DCN: variants seen among roughly 807,000 people sequenced by gnomAD.
DCN encodes bone proteoglycan II.
A neutral mutation model predicts 36.5 loss-of-function variants in DCN; 17 were observed. That is an observed-to-expected ratio of 0.47 (90% CI 0.32 to 0.70). The LOEUF is 0.70. Among genes scored for constraint, DCN ranks in the 30% least tolerant of loss-of-function variants. DCN has a pLI of 0.04. For synonymous variants in DCN, 163 were observed against 161.4 expected (o/e 1.01, Z -0.07); for missense variants, 389 against 430.1 (o/e 0.90, Z 0.84).
chr12:91,148,900 G>T (rs1036905707), intron 7 of DCN, among the ~76,000 whole-genome samples: 1 of 152,052 alleles, frequency 6.6e-6, no homozygotes, highest in Non-Finnish European at 1.5e-5. Context: ...TATATGTATG[G>T]TTTATGGTTC....
chr12:91,177,490 C>T, intron 2 of DCN: 1 of 676,464 alleles, frequency 1.5e-6, no homozygotes, highest in Admixed American at 2.3e-5. Flanking sequence ...AAAATACACC[C>T]CTTCAAAAGG....
intron 2 of DCN, among the ~76,000 whole-genome samples, chr12:91,170,213 A>C (rs1882870405): frequency 6.6e-6 from 1 of 152,166 alleles, no homozygotes; most frequent in African/African-American, 2.4e-5. Context: ...GCAGCGTCTC[A>C]AGTATTGCTA....
intron 2 of DCN, among the ~76,000 whole-genome samples, chr12:91,165,771 T>A (rs1288498416): frequency 6.6e-6 from 1 of 152,148 alleles, no homozygotes; most frequent in East Asian, 1.9e-4. Flanking sequence ...CTCCATCATA[T>A]CTGAAACTTG....
intron 3 of DCN, 102 bp from the exon 4 acceptor site, chr12:91,158,611 A>G: frequency 1.3e-6 from 1 of 744,280 alleles, no homozygotes; most frequent in Non-Finnish European, 2.4e-6. Context: ...ATAGCAGAGA[A>G]ATCTAAAAAA....
intron 7 of DCN, chr12:91,151,381 C>A (rs1009663042): frequency 9.9e-6 from 4 of 402,590 alleles, no homozygotes; most frequent in Non-Finnish European, 1.9e-5. Context: ...ATGGCACCAA[C>A]ATCACCACCC....
rs190895468 is a variant in DCN at position 91,140,898 on chromosome 12, T to A, written c.*5160A>T. The stretch of plus-strand genomic sequence containing the variant: ...ATTCCTGAAGTCATCTCTGTTTCTT[T>A]TCTTTCTCTCTCATGCCCCATCTGA... On this transcript the variant is annotated 3_prime_UTR_variant, in exon 8 of 8. Transcript: ENST00000052754. 1 of 152,396 alleles carries A rather than the reference T, an allele frequency of 6.6e-6. No individual in the cohort carries two copies. The highest frequency in any genetic ancestry group is 2.4e-5 in the African/African-American group (1 of 41,586). The allele number at this position is 152,396 out of a possible 1,614,324, so 9.4% of individuals were successfully genotyped here.
intron 1 of DCN, chr12:91,180,390 G>GAAAGAA: frequency 7.1e-6 from 1 of 140,402 alleles, no homozygotes; most frequent in South Asian, 2.2e-4. Flanking sequence ...GAAAGAAAGA[G>GAAAGAA]AGAGAGAGAG....
intron 5 of DCN, among the ~76,000 whole-genome samples, chr12:91,154,459 TG>T (rs1881631469): frequency 6.6e-6 from 1 of 152,126 alleles, no homozygotes; most frequent in South Asian, 2.1e-4. Flanking sequence ...TTTAATGCAG[TG>T]CCTCCAGTAC....
chr12:91,157,651 C>A (rs1039911974), intron 4 of DCN, among the ~76,000 whole-genome samples: 1 of 149,872 alleles, frequency 6.7e-6, no homozygotes, highest in Non-Finnish European at 1.5e-5. Context: ...TTTTTTGAGA[C>A]GTAGTCTCAC....
chr12:91,146,584 C>T (rs1188901450), intron 7 of DCN, among the ~76,000 whole-genome samples: 1 of 152,014 alleles, frequency 6.6e-6, no homozygotes, highest in Non-Finnish European at 1.5e-5. Context: ...GAACTTCTGA[C>T]CTCAAGTGAT....
intron 7 of DCN, chr12:91,151,429 G>T: frequency 1.9e-6 from 1 of 529,338 alleles, no homozygotes; most frequent in Non-Finnish European, 3.4e-6. Flanking sequence ...AAGACTTTAA[G>T]TTTCATCTCC....
At chr12:91,169,379 A>T (rs521886) in intron 2 of DCN, among the ~76,000 whole-genome samples, 1,615 of 15,048 alleles carry the variant, frequency 0.11, 54 homozygotes, top group African/African-American at 0.19. Context: ...AGATCCTGTC[A>T]AAAAAAAAAA....
intron 1 of DCN, 49 bp from the exon 2 acceptor site, chr12:91,178,634 G>A (rs769608190): frequency 8.6e-6 from 10 of 1,161,250 alleles, no homozygotes; most frequent in Non-Finnish European, 1.3e-5. Context: ...CCTAATCTGT[G>A]TGTCGTTTCT....
chr12:91,174,945 A>T (rs1382592345), intron 2 of DCN, among the ~76,000 whole-genome samples: 1 of 152,146 alleles, frequency 6.6e-6, no homozygotes, highest in Non-Finnish European at 1.5e-5. Flanking sequence ...TGATCCAAAG[A>T]TGAATGGCTA....
chr12:91,178,858 A>T (rs1055388368), intron 1 of DCN, among the ~76,000 whole-genome samples: 2 of 152,178 alleles, frequency 1.3e-5, no homozygotes, highest in Non-Finnish European at 2.9e-5. Flanking sequence ...TATACTATAT[A>T]TCCAAATCAT....
chr12:91,169,690 A>T (rs1882821299), intron 2 of DCN: 1 of 152,118 alleles, frequency 6.6e-6, no homozygotes, highest in East Asian at 1.9e-4. Context: ...ATATTTAAAC[A>T]TGCTCCTATA....
Position 91,157,160 on chromosome 12 carries a change from T to C in DCN, c.567A>G (p.Ser189=). 1 of 1,613,878 alleles carries C rather than the reference T, an allele frequency of 6.2e-7. No homozygotes were observed. The highest frequency in any genetic ancestry group is 8.5e-7 in the Non-Finnish European group (1 of 1,179,748). The part of the protein sequence containing the change: ...IELGTNPLKS[S]GIENGAFQGM... ...CCTGGAAAGCCCCATTTTCAATTCCTGAGCTCTTCAGCGGATTGGTGCCCA... is the reference window on the plus strand; with the variant it reads ...CCTGGAAAGCCCCATTTTCAATTCCCGAGCTCTTCAGCGGATTGGTGCCCA... Residue 189 remains serine (S), a synonymous_variant, in exon 5 of 8, where the codon TCA becomes TCG. Coordinates refer to ENST00000052754, the MANE Select transcript of DCN (RefSeq NM_001920.5).
intron 3 of DCN, among the ~76,000 whole-genome samples, chr12:91,163,379 C>T (rs1354340075): frequency 6.6e-6 from 1 of 152,174 alleles, no homozygotes; most frequent in Non-Finnish European, 1.5e-5. Flanking sequence ...ATGCATTAAT[C>T]AAATGCCCTT....
intron 1 of DCN, 122 bp from the exon 2 acceptor site, chr12:91,178,707 A>C: frequency 1.4e-6 from 1 of 696,998 alleles, no homozygotes. Context: ...TTCATTTGTT[A>C]TCAGGAAGCA....
Sources: allele counts gnomAD v4.1 joint callset (sites outside exome capture counted in the v4.1 genomes callset), GRCh38; gene constraint gnomAD v4.1.1; transcripts MANE v1.5; gene names NCBI Gene and HGNC (gene_info 2026-07-23, HGNC 2026-07-21).